DDX42: variants seen among roughly 807,000 people sequenced by gnomAD.
DDX42 encodes ATP-dependent RNA helicase DDX42.
In DDX42, 22 loss-of-function variants were observed where a neutral mutation model predicts 101.5. The observed-to-expected ratio is 0.22, with a 90% CI of 0.15 to 0.31. DDX42 has a LOEUF of 0.31. DDX42 is among the 10% of genes least tolerant of loss of function. The pLI is 1.00. For synonymous variants in DDX42, 402 were observed against 401.2 expected, an observed-to-expected ratio of 1.00 and a Z score of -0.02; for missense variants, 849 against 1,199.9, an observed-to-expected ratio of 0.71 and a Z score of 4.32.
chr17:63,774,559 C>T (rs1157295813), intron 1 of DDX42, 183 bp downstream of exon 1: 1 of 162,400 alleles, frequency 6.2e-6, no homozygotes, highest in East Asian at 1.6e-4. Context: ...CTCTAGGGTT[C>T]CTTCCTAGCC....
chr17:63,799,519 C>A, intron 4 of DDX42, 70 bp from the exon 5 acceptor site: 1 of 1,564,684 alleles, frequency 6.4e-7, no homozygotes, highest in South Asian at 1.1e-5. Flanking sequence ...CAACACTAAT[C>A]TGCTGTAAGT....
chr17:63,795,032 C>G (rs1684356310), intron 3 of DDX42, among the ~76,000 whole-genome samples: 1 of 151,954 alleles, frequency 6.6e-6, no homozygotes, highest in African/African-American at 2.4e-5. Flanking sequence ...GAATACACCT[C>G]TCCTCCAAGG....
At chr17:63,804,018 C>T (rs1456095039) in intron 6 of DDX42, among the ~76,000 whole-genome samples, 1 of 152,012 alleles carries the variant, frequency 6.6e-6, no homozygotes, top group Non-Finnish European at 1.5e-5. Context: ...ATAGTAGGAG[C>T]TATTTAAGTC....
At chr17:63,802,989 C>T (rs2039791199) in intron 6 of DDX42, among the ~76,000 whole-genome samples, 2 of 151,830 alleles carry the variant, frequency 1.3e-5, no homozygotes, top group South Asian at 4.2e-4. Context: ...GGCTTGACAG[C>T]TTTTCAGTAC....
Position 63,800,818 on chromosome 17 carries a change from T to G in DDX42, c.621+201T>G, listed in dbSNP as rs529506800. Among the ~76,000 whole-genome samples, 11 of 152,374 alleles carry G rather than the reference T, an allele frequency of 7.2e-5. No individual in the cohort carries two copies. In the South Asian group the frequency reaches 2.1e-3, roughly 29 times the overall value. On this transcript the variant is annotated intron_variant, in intron 6 of 17. Coordinates refer to ENST00000389924, the MANE Select transcript of DDX42 (RefSeq NM_203499.3). Reference sequence around the variant, plus strand: ...AAAAGTATAACCAAATCACTTACATTTGACTTTAGAATTAAAACATTTTTT... The same window carrying G: ...AAAAGTATAACCAAATCACTTACATGTGACTTTAGAATTAAAACATTTTTT...
At position 63,815,633 on chromosome 17, in the gene DDX42, T is replaced by G; in HGVS notation, c.1973T>G (p.Leu658Arg). 6.2e-7 allele frequency: 1 copy of G among 1,614,026 alleles called. No homozygotes were observed. Reference protein sequence around the residue: ...GKKLNIGGGGLGYRERPGLGS... With the variant: ...GKKLNIGGGGRGYRERPGLGS... ...AAGCTGAACATTGGTGGAGGAGGCC[T>G]AGGCTACAGGGAGCGGCCTGGCCTG... is the stretch of plus-strand genomic sequence containing the variant. The change falls in exon 16 of 18, where the codon CTA becomes CGA. Residue 658 changes from leucine (L) to arginine (R), a missense_variant. By Grantham distance (102) the Leu-to-Arg change is moderately radical (BLOSUM62 -2). Transcript: ENST00000389924.
chr17:63,818,319 A>G lies in DDX42; in HGVS notation c.2738A>G (p.Asp913Gly). ...GACAGCAGCAAGATGGACAAGGTGG[A>G]CAGCAAGACAGATAAGACAGCTGAC... Reference protein sequence around the residue: ...KVDSSKMDKVDSKTDKTADGF... With the variant: ...KVDSSKMDKVGSKTDKTADGF... The change falls in exon 18 of 18, where the codon GAC becomes GGC. Residue 913 changes from aspartate (D) to glycine (G), a missense_variant. By Grantham distance (94) the Asp-to-Gly change is moderately conservative. Coordinates refer to ENST00000389924, the MANE Select transcript of DDX42 (RefSeq NM_203499.3). 1 of 1,614,186 alleles carries G rather than the reference A, an allele frequency of 6.2e-7. No homozygotes were observed. The highest frequency in any genetic ancestry group is 1.3e-5 in the African/African-American group (1 of 75,066).
intron 6 of DDX42, among the ~76,000 whole-genome samples, chr17:63,804,571 T>A (rs576714694): frequency 6.6e-6 from 1 of 152,376 alleles, no homozygotes; most frequent in East Asian, 1.9e-4. Flanking sequence ...TATTTAAATG[T>A]TATATGGTGA....
chr17:63,811,919 T>TCTTC lies in DDX42; in HGVS notation c.1399-8_1399-5dup, dbSNP rs1351311000. The TCTTC allele has an allele frequency of 1.2e-6, 2 of 1,614,228 alleles. No homozygotes were observed. The highest frequency in any genetic ancestry group is 3.3e-5 in the Admixed American group (2 of 60,028). On this transcript the variant is annotated splice_polypyrimidine_tract_variant and intron_variant, in intron 13 of 17. Coordinates refer to ENST00000389924, the MANE Select transcript of DDX42 (RefSeq NM_203499.3). ...CAATGTCACAATCATCTGTTTCATT[T>TCTTC]CTTCCTTCTCAGGCAAATGAAGATG...
rs1598341831 is a variant in DDX42, at chr17:63,811,271, T to A, written c.1398+98T>A. Reference sequence around the variant, plus strand: ...TCACTATTGAGATAAAAAAAAAAGATGTTATGTTTATAGATGCAACATGCT... The same window carrying A: ...TCACTATTGAGATAAAAAAAAAAGAAGTTATGTTTATAGATGCAACATGCT... On this transcript the variant is annotated intron_variant, in intron 13 of 17. Coordinates refer to ENST00000389924, the MANE Select transcript of DDX42 (RefSeq NM_203499.3). 8.4e-6 allele frequency: 8 copies of A among 953,028 alleles called. No homozygotes were observed. The East Asian group carries it at 2.2e-4, about 27-fold the overall frequency. The allele number at this position is 953,028 out of a possible 1,614,324, so 59.0% of individuals were successfully genotyped here.
intron 6 of DDX42, among the ~76,000 whole-genome samples, chr17:63,804,619 G>T (rs2039815786): frequency 6.6e-6 from 1 of 152,208 alleles, no homozygotes; most frequent in Admixed American, 6.5e-5. Context: ...TGGCATTATA[G>T]AGAGATTCCT....
Position 63,779,404 on chromosome 17 carries a change from C to T in DDX42, c.-17+5028C>T, listed in dbSNP as rs149525225. ...TCAACCTCCCGAGTAGCTGGGGCTA[C>T]AGGTGCACACCACCACACCTGGGTA... On this transcript the variant is annotated intron_variant, in intron 1 of 17. Transcript: ENST00000389924. Among the ~76,000 whole-genome samples the T allele has an allele frequency of 3.5e-3, 534 of 152,238 alleles. 2 individuals are homozygous for T. Among genetic ancestry groups the T allele is most frequent in the African/African-American group, 0.012 (487 of 41,536 alleles).
At chr17:63,804,037 TAA>T (rs2039807646) in intron 6 of DDX42, among the ~76,000 whole-genome samples, 1 of 152,222 alleles carries the variant, frequency 6.6e-6, no homozygotes, top group Non-Finnish European at 1.5e-5. Context: ...TCGACATTAA[TAA>T]AGAGATTTGT....
At chr17:63,777,134 C>T (rs1047887673) in intron 1 of DDX42, among the ~76,000 whole-genome samples, 4 of 152,090 alleles carry the variant, frequency 2.6e-5, no homozygotes, top group African/African-American at 4.8e-5. Context: ...GTCTCAAACT[C>T]GTGGCCTTAA....
chr17:63,793,871 T>C (rs2039659105), intron 3 of DDX42, among the ~76,000 whole-genome samples: 1 of 148,418 alleles, frequency 6.7e-6, no homozygotes, highest in African/African-American at 2.5e-5. Context: ...TATATATATA[T>C]ATATATATAA....
chr17:63,812,293 C>T, intron 14 of DDX42, 85 bp downstream of exon 14: 1 of 1,490,592 alleles, frequency 6.7e-7, no homozygotes, highest in African/African-American at 1.4e-5. Flanking sequence ...AATATCTGAG[C>T]AGGCTGATGG....
Position 63,818,003 on chromosome 17 carries a change from G to C in DDX42, c.2422G>C (p.Glu808Gln). ...EGTGGSNGKR[E>Q]RYTENRGSSR... ...GACTGGGGGCAGCAACGGGAAAAGA[G>C]AGAGATATACTGAGAACCGGGGCAG... Residue 808 changes from glutamate to glutamine, a missense_variant, in exon 18 of 18, where the codon GAG (glutamate) becomes CAG (glutamine). Physicochemically the swap from Glu to Gln is conservative, Grantham distance 29 (BLOSUM62 2). Around this residue, in one of 5 missense-constraint regions of DDX42, gnomAD observed 300 missense variants for 304.9 expected, o/e 0.98. Transcript: ENST00000389924. 1 of 1,614,156 alleles carries C rather than the reference G, an allele frequency of 6.2e-7. No homozygotes were observed. The highest frequency in any genetic ancestry group is 1.7e-5 in the Admixed American group (1 of 60,016).
At position 63,789,546 on chromosome 17, in the gene DDX42, CTTTT is replaced by C. The variant is rs1555571789; in HGVS notation, c.221+2279_221+2282del. ...ATTGGAAAAAAAAGCTTCTAAAAGA[CTTTT>C]TTGTTTTTGTTTTTGTTTTTGTTTT... On this transcript the variant is annotated intron_variant, in intron 2 of 17. Transcript: ENST00000389924. Among the ~76,000 whole-genome samples the C allele has an allele frequency of 6.0e-4, 73 of 121,832 alleles. 6 individuals carry two copies. The highest frequency in any genetic ancestry group is 2.2e-3 in the African/African-American group (64 of 29,348). The allele number at this position is 121,832 out of a possible 152,430, so 79.9% of individuals were successfully genotyped here.
In DDX42 at chr17:63,779,511, G is replaced by T. The variant is rs560211379; in HGVS notation, c.-17+5135G>T. 5.3e-5 allele frequency among the ~76,000 whole-genome samples: 8 copies of T among 152,240 alleles called. No homozygotes were observed. The South Asian group carries it at 1.7e-3, about 32-fold the overall frequency. ...ACTCCTGAGCTCGAGCCATCCTCCT[G>T]CCTTGGCTTCCCAAAGTGCTGGGAC... On this transcript the variant is annotated intron_variant, in intron 1 of 17. Transcript: ENST00000389924.
Sources: allele counts gnomAD v4.1 joint callset (sites outside exome capture counted in the v4.1 genomes callset), GRCh38; gene constraint gnomAD v4.1.1; regional missense constraint gnomAD v4.1.1; transcripts MANE v1.5; gene names NCBI Gene and HGNC (gene_info 2026-07-23, HGNC 2026-07-21).